Variants in HOOK1 observed in about 807,000 individuals in gnomAD.
HOOK1 encodes hook microtubule tethering protein 1.
In HOOK1, 60 loss-of-function variants were observed where a neutral mutation model predicts 112.8. The observed-to-expected ratio is 0.53, with a 90% CI of 0.43 to 0.66. The LOEUF is 0.66. Among genes scored for constraint, HOOK1 ranks in the 30% least tolerant of loss-of-function variants. HOOK1 has a pLI of 0.00. For synonymous variants in HOOK1, 294 were observed against 283.8 expected (o/e 1.04, Z -0.36); for missense variants, 770 against 856.0 (o/e 0.90, Z 1.25).
chr1:59,850,315 G>A (rs2098406451), intron 12 of HOOK1, among the ~76,000 whole-genome samples: 2 of 150,604 alleles, frequency 1.3e-5, no homozygotes, highest in Middle Eastern at 3.4e-3. Context: ...TCTATTCTGT[G>A]TGTTATCATC....
At position 59,854,001 on chromosome 1, in the gene HOOK1, AATATATATATATATATATAT is replaced by A. The variant is rs71046347; in HGVS notation, c.1243-4408_1243-4389del. 5.1e-4 allele frequency among the ~76,000 whole-genome samples: 13 copies of A among 25,696 alleles called. No homozygotes were observed. The East Asian group carries it at 8.0e-3, about 16-fold the overall frequency. The allele number at this position is 25,696 out of a possible 152,430, so 16.9% of individuals were successfully genotyped here. A position where few individuals can be genotyped will look rare whatever the true frequency, so the allele number is the denominator to read the frequency against. ...AAGAGTTAAAAATACATTAATCTTA[AATATATATATATATATATAT>A]ATATATATATATATATATTTTTTTT... On this transcript the variant is annotated intron_variant, in intron 12 of 21. Coordinates refer to ENST00000371208, the MANE Select transcript of HOOK1 (RefSeq NM_015888.6).
intron 1 of HOOK1, chr1:59,815,396 C>T (rs191651082): frequency 3.9e-4 from 230 of 584,880 alleles, no homozygotes; most frequent in African/African-American, 3.6e-3. Flanking sequence ...GTAAAGGAAG[C>T]TCTGGGAGCG....
intron 21 of HOOK1, 92 bp downstream of exon 21, chr1:59,871,202 T>C: frequency 1.2e-6 from 1 of 808,268 alleles, no homozygotes; most frequent in Non-Finnish European, 2.0e-6. Flanking sequence ...ATATTTTATC[T>C]TATACCATAA....
At chr1:59,820,630 C>T (rs186649052) in intron 1 of HOOK1, among the ~76,000 whole-genome samples, 1 of 152,120 alleles carries the variant, frequency 6.6e-6, no homozygotes, top group African/African-American at 2.4e-5. Flanking sequence ...AAATCATCTC[C>T]GAGAAGCCTT....
intron 2 of HOOK1, among the ~76,000 whole-genome samples, chr1:59,824,396 T>C (rs2098388317): frequency 6.6e-6 from 1 of 152,080 alleles, no homozygotes; most frequent in Non-Finnish European, 1.5e-5. Flanking sequence ...TTAGGAGAGA[T>C]GGGGTTTCAC....
At position 59,846,655 on chromosome 1, in the gene HOOK1, AACTGAGAGGC is replaced by A. The variant is rs1405561553; in HGVS notation, c.789-385_789-376del. Among the ~76,000 whole-genome samples, 12 of 143,810 alleles carry A rather than the reference AACTGAGAGGC, an allele frequency of 8.3e-5. No homozygotes were observed. In the Middle Eastern group the frequency reaches 0.011, roughly 132 times the overall value. 94.3% of individuals were successfully genotyped at this position (143,810 alleles called of 152,430 possible). A position where few individuals can be genotyped will look rare whatever the true frequency, so the allele number is the denominator to read the frequency against. ...CTTTCTTTCTAACATAGACCTTTAA[AACTGAGAGGC>A]ACTGGTTTACTGTTGTCCCCCAAAT... On this transcript the variant is annotated intron_variant, in intron 9 of 21. Transcript: ENST00000371208.
chr1:59,840,954 T>A (rs2098400723), intron 8 of HOOK1, among the ~76,000 whole-genome samples: 1 of 152,154 alleles, frequency 6.6e-6, no homozygotes, highest in Non-Finnish European at 1.5e-5. Context: ...CCAGGCTACC[T>A]ACATTCAGAA....
intron 2 of HOOK1, among the ~76,000 whole-genome samples, chr1:59,823,275 C>A (rs918200409): frequency 5.3e-5 from 8 of 152,236 alleles, no homozygotes; most frequent in Admixed American, 2.0e-4. Context: ...AGCCGAGATC[C>A]TGCCACTGCA....
intron 5 of HOOK1, 129 bp from the exon 6 acceptor site, chr1:59,835,216 G>A: frequency 3.1e-6 from 2 of 646,384 alleles, no homozygotes; most frequent in Non-Finnish European, 2.8e-6. Context: ...ACATACTGGT[G>A]GACAAATAAT....
intron 9 of HOOK1, among the ~76,000 whole-genome samples, chr1:59,845,643 T>C (rs1345917944): frequency 7.2e-5 from 11 of 151,916 alleles, no homozygotes; most frequent in Admixed American, 4.6e-4. Flanking sequence ...CTTGAAAAGA[T>C]GGTGTAGCTT....
intron 7 of HOOK1, among the ~76,000 whole-genome samples, chr1:59,839,831 A>G (rs1054872450): frequency 2.6e-5 from 4 of 152,176 alleles, no homozygotes; most frequent in African/African-American, 9.7e-5. Context: ...TGGTTTTGTC[A>G]TAAATAGCTC....
intron 18 of HOOK1, among the ~76,000 whole-genome samples, 187 bp from the exon 19 acceptor site, chr1:59,865,685 A>G (rs1298795293): frequency 6.6e-6 from 1 of 152,114 alleles, no homozygotes; most frequent in African/African-American, 2.4e-5. Flanking sequence ...ATGATTGAGA[A>G]TGTGTTGGTT....
At chr1:59,860,082 C>A in intron 14 of HOOK1, 106 bp from the exon 15 acceptor site, 1 of 748,672 alleles carries the variant, frequency 1.3e-6, no homozygotes, top group Non-Finnish European at 2.0e-6. Context: ...CTGCTTGCAT[C>A]TTAAAATGGT....
chr1:59,829,479 G>T (rs968206859), intron 3 of HOOK1, among the ~76,000 whole-genome samples: 1 of 151,972 alleles, frequency 6.6e-6, no homozygotes, highest in African/African-American at 2.4e-5. Flanking sequence ...CTGCCAAACT[G>T]ATTTTCTATT....
chr1:59,872,747 A>G (rs1644075338), intron 21 of HOOK1, 48 bp from the exon 22 acceptor site: 2 of 1,279,660 alleles, frequency 1.6e-6, no homozygotes, highest in Non-Finnish European at 2.0e-6. Context: ...CACTCGGCAA[A>G]CTCTGTTTAG....
chr1:59,868,385 T>C (rs1644002608), intron 20 of HOOK1, 34 bp downstream of exon 20: 2 of 1,203,034 alleles, frequency 1.7e-6, no homozygotes, highest in African/African-American at 3.0e-5. Flanking sequence ...CTTTTAGTTA[T>C]TTTGTAGAAT....
Position 59,873,079 on chromosome 1 carries a change from A to G in HOOK1, c.*114A>G, listed in dbSNP as rs980324952. The G allele has an allele frequency of 2.6e-5, 22 of 855,928 alleles. No homozygotes were observed. The highest frequency in any genetic ancestry group is 3.3e-4 in the Middle Eastern group (1 of 3,032). 53.0% of individuals were successfully genotyped at this position (855,928 alleles called of 1,614,324 possible). The stretch of plus-strand genomic sequence containing the variant: ...TGAAAAAGAGTTTATGATGCGGGAT[A>G]TCAGGTATTTTAAAATCAACATGCA... On this transcript the variant is annotated 3_prime_UTR_variant, in exon 22 of 22. Coordinates refer to ENST00000371208, the MANE Select transcript of HOOK1 (RefSeq NM_015888.6).
intron 13 of HOOK1, among the ~76,000 whole-genome samples, 197 bp from the exon 14 acceptor site, chr1:59,858,788 C>T (rs891789804): frequency 6.7e-5 from 7 of 104,752 alleles, no homozygotes; most frequent in African/African-American, 1.9e-4. Context: ...GGAAGGAGCA[C>T]GGGAGGGAGG....
In HOOK1 at chr1:59,874,465, A is replaced by C. The variant is rs1407865728; in HGVS notation, c.*1500A>C. Reference sequence around the variant, plus strand: ...GTTAATCATTTCAGTGCTGTTCAACATACATACCTATCAGCAGTGTGTTTA... The same window carrying C: ...GTTAATCATTTCAGTGCTGTTCAACCTACATACCTATCAGCAGTGTGTTTA... On this transcript the variant is annotated 3_prime_UTR_variant, in exon 22 of 22. Coordinates refer to ENST00000371208, the MANE Select transcript of HOOK1 (RefSeq NM_015888.6). The C allele has an allele frequency of 1.3e-5, 2 of 152,220 alleles. No homozygotes were observed. The highest frequency in any genetic ancestry group is 2.9e-5 in the Non-Finnish European group (2 of 68,026). The allele number at this position is 152,220 out of a possible 1,614,324, so 9.4% of individuals were successfully genotyped here.
Sources: gnomAD v4.1 joint callset for allele counts (sites outside exome capture counted in the v4.1 genomes callset) on GRCh38, gnomAD v4.1.1 for gene constraint, MANE v1.5 for transcripts, NCBI Gene and HGNC (gene_info 2026-07-23, HGNC 2026-07-21) for gene names.